The following SMARCA4 variants were observed in gnomAD, a reference collection of about 807,000 sequenced individuals.
The protein encoded by SMARCA4 is SWI/SNF related BAF chromatin remodeling complex subunit ATPase 4, also known as SWI/SNF-related matrix-associated actin-dependent regulator of chromatin subfamily A member 4.
A neutral mutation model predicts 193.9 loss-of-function variants in SMARCA4; 31 were observed. The observed-to-expected ratio is 0.16, with a 90% CI of 0.12 to 0.22. SMARCA4 has a LOEUF of 0.22. SMARCA4 is among the 10% of genes least tolerant of loss of function. The pLI is 1.00. For missense variants in SMARCA4, 1,148 were observed against 2,296.0 expected (o/e 0.50, Z 10.22); for synonymous variants, 942 against 933.1 (o/e 1.01, Z -0.17).
At chr19:11,039,456 A>C (rs1388081219) in intron 29 of SMARCA4, 7 of 1,590,892 alleles carry the variant, frequency 4.4e-6, no homozygotes, top group Non-Finnish European at 6.0e-6. Context: ...ATTTTGTTGT[A>C]GAAAATTACA....
chr19:11,053,848 C>A (rs2076395185), intron 30 of SMARCA4, among the ~76,000 whole-genome samples: 1 of 151,790 alleles, frequency 6.6e-6, no homozygotes, highest in Non-Finnish European at 1.5e-5. Flanking sequence ...GAGTTGGAGG[C>A]TTCAGTGAGC....
chr19:11,006,700 G>A (rs546411595), intron 13 of SMARCA4, among the ~76,000 whole-genome samples: 2 of 152,146 alleles, frequency 1.3e-5, no homozygotes, highest in Non-Finnish European at 2.9e-5. Flanking sequence ...GAGAATAGAC[G>A]TGTAATGTTC....
At chr19:11,055,288 C>T (rs1303024909) in intron 30 of SMARCA4, among the ~76,000 whole-genome samples, 2 of 152,188 alleles carry the variant, frequency 1.3e-5, no homozygotes, top group African/African-American at 4.8e-5. Context: ...CACCCAGGTT[C>T]AGGTGATTCT....
intron 16 of SMARCA4, among the ~76,000 whole-genome samples, chr19:11,015,627 C>G (rs757048451): frequency 1.3e-5 from 2 of 152,290 alleles, no homozygotes; most frequent in South Asian, 2.1e-4. Context: ...TATCTCATTT[C>G]TCTTCCTACT....
In SMARCA4 at chr19:10,986,771, T is replaced by C. The variant is rs2086083000; in HGVS notation, c.761-134T>C. The C allele has an allele frequency of 8.3e-7, 1 of 1,200,666 alleles. No individual in the cohort carries two copies. Among genetic ancestry groups the C allele is most frequent in the Non-Finnish European group, 1.2e-6 (1 of 835,426 alleles). 74.4% of individuals were successfully genotyped at this position (1,200,666 alleles called of 1,614,324 possible). On this transcript the variant is annotated intron_variant, in intron 4 of 34. Transcript: ENST00000344626. This position sits in a 1 kb window ranked among gnomAD's most constrained non-coding sequence, Gnocchi z 6.7. ...GGCAGCTAAATGCTGCTTCCCCAGC[T>C]CCCCGCTTCCCCTGGGGCCGCTGGT...
In SMARCA4 at chr19:10,986,328, G is replaced by A. The variant is rs768856451; in HGVS notation, c.495G>A (p.Gln165=). Residue 165 remains glutamine, a synonymous_variant, in exon 4 of 35, where the codon CAG becomes CAA. Transcript: ENST00000344626. This position sits in a 1 kb window ranked among gnomAD's most constrained non-coding sequence, Gnocchi z 6.7. ...CTGACCCCCAGGCCTTGGGGCAGCA[G>A]AACCGGGGCCCAACCCCATTTAACC... ...DGADPQALGQ[Q]NRGPTPFNQN... 9 of 1,613,364 alleles carry A rather than the reference G, an allele frequency of 5.6e-6. No individual in the cohort carries two copies. In the South Asian group the frequency reaches 9.9e-5, roughly 18 times the overall value.
Position 11,024,403 on chromosome 19 carries a change from G to A in SMARCA4, c.3046G>A (p.Val1016Met), listed in dbSNP as rs770969438. The A allele has an allele frequency of 6.2e-7, 1 of 1,612,828 alleles. No individual in the cohort carries two copies. Among genetic ancestry groups the A allele is most frequent in the Non-Finnish European group, 8.5e-7 (1 of 1,179,556 alleles). ...VLYRHMQAKG[V>M]LLTDGSEKDK... The stretch of plus-strand genomic sequence containing the variant: ...CTACCGCCACATGCAGGCCAAGGGC[G>A]TGCTGCTGACTGATGGCTCCGAGAA... The change falls in exon 21 of 35, where the codon GTG (valine) becomes ATG (methionine). Residue 1016 changes from valine to methionine, a missense_variant. Coordinates refer to ENST00000344626, the MANE Select transcript of SMARCA4 (RefSeq NM_003072.5).
In SMARCA4 at chr19:11,034,823, A is replaced by G; in HGVS notation, c.3952-91A>G. ...GCAGCGTGGAGCCCCACGGGCAGAG[A>G]AAGGCCCTTCTGAACTCTCGGTGTT... is the stretch of plus-strand genomic sequence containing the variant. On this transcript the variant is annotated intron_variant, in intron 28 of 34. Transcript: ENST00000344626. The surrounding 1 kb of genome is among the most constrained non-coding windows in gnomAD (Gnocchi z 7.0). 5.9e-6 allele frequency: 5 copies of G among 849,910 alleles called. No homozygotes were observed. Among genetic ancestry groups the G allele is most frequent in the Non-Finnish European group, 7.7e-6 (4 of 521,056 alleles). 52.6% of individuals were successfully genotyped at this position (849,910 alleles called of 1,614,324 possible).
At chr19:10,962,937 C>T (rs1273524523) in intron 1 of SMARCA4, among the ~76,000 whole-genome samples, 2 of 152,090 alleles carry the variant, frequency 1.3e-5, no homozygotes, top group African/African-American at 2.4e-5. Flanking sequence ...TAGCTGTCAC[C>T]CCCAGCACCG....
rs931555647 is a variant in SMARCA4 at position 11,033,099 on chromosome 19, C to A, written c.3547-191C>A. On this transcript the variant is annotated intron_variant, in intron 25 of 34. Transcript: ENST00000344626. The surrounding 1 kb of genome is among the most constrained non-coding windows in gnomAD (Gnocchi z 9.8). ...TCTGGAGGAACGTGATGAGAGTCCC[C>A]TTCCCCCGAGGGACACATGGCGGCC... 4.5e-6 allele frequency: 3 copies of A among 662,580 alleles called. No individual in the cohort carries two copies. The Admixed American group carries it at 6.3e-5, about 14-fold the overall frequency. 41.0% of individuals were successfully genotyped at this position (662,580 alleles called of 1,614,324 possible). A position where few individuals can be genotyped will look rare whatever the true frequency, so the allele number is the denominator to read the frequency against.
At chr19:10,995,222 G>T (rs989640429) in intron 9 of SMARCA4, 1 of 670,096 alleles carries the variant, frequency 1.5e-6, no homozygotes, top group Non-Finnish European at 2.7e-6. Flanking sequence ...AGGCCACTTA[G>T]CCGGCTCCTC....
intron 1 of SMARCA4, among the ~76,000 whole-genome samples, chr19:10,982,967 G>A (rs1001110196): frequency 1.3e-5 from 2 of 152,078 alleles, no homozygotes; most frequent in Non-Finnish European, 2.9e-5. Context: ...ACCAGAGAGG[G>A]GCTATCAAAA....
chr19:10,976,611 G>T (rs954532944), intron 1 of SMARCA4, among the ~76,000 whole-genome samples: 1 of 150,334 alleles, frequency 6.7e-6, no homozygotes, highest in Non-Finnish European at 1.5e-5. Context: ...ACAAAAATTA[G>T]CTGGGCATAG....
Position 10,987,542 on chromosome 19 carries a change from A to T in SMARCA4, c.860-124A>T. 1 of 1,098,892 alleles carries T rather than the reference A, an allele frequency of 9.1e-7. No homozygotes were observed. Among genetic ancestry groups the T allele is most frequent in the Non-Finnish European group, 1.4e-6 (1 of 731,054 alleles). 68.1% of individuals were successfully genotyped at this position (1,098,892 alleles called of 1,614,324 possible). A position where few individuals can be genotyped will look rare whatever the true frequency, so the allele number is the denominator to read the frequency against. The stretch of plus-strand genomic sequence containing the variant: ...AGGTGTGAAGGACACCCCTGGGTGA[A>T]AGGTGGGAGATGGGCGGGGTCTGCC... On this transcript the variant is annotated intron_variant, in intron 5 of 34. Transcript: ENST00000344626. The surrounding 1 kb of genome is among the most constrained non-coding windows in gnomAD (Gnocchi z 5.3).
intron 11 of SMARCA4, among the ~76,000 whole-genome samples, chr19:10,999,061 C>A (rs563804636): frequency 6.6e-6 from 1 of 152,174 alleles, no homozygotes; most frequent in South Asian, 2.1e-4. Context: ...CGCCACCATG[C>A]TTGGTTAAGT....
At chr19:11,024,141 C>T (rs1600298513) in intron 20 of SMARCA4, among the ~76,000 whole-genome samples, 190 bp from the exon 21 acceptor site, 1 of 152,212 alleles carries the variant, frequency 6.6e-6, no homozygotes, top group Admixed American at 6.5e-5. Flanking sequence ...GGTATCTCTG[C>T]CTGGTGCTTC....
intron 1 of SMARCA4, among the ~76,000 whole-genome samples, chr19:10,968,379 A>G (rs12979487): frequency 0.011 from 1,748 of 152,198 alleles, 22 homozygotes; most frequent in Non-Finnish European, 0.017. Context: ...TCATTTATGT[A>G]TGTGGACACT....
rs1243103629 is a variant in SMARCA4, at chr19:10,984,773, G to C, written c.222+400G>C. Among the ~76,000 whole-genome samples the C allele has an allele frequency of 6.6e-6, 1 of 152,234 alleles. No individual in the cohort carries two copies. Among genetic ancestry groups the C allele is most frequent in the Non-Finnish European group, 1.5e-5 (1 of 68,048 alleles). On this transcript the variant is annotated intron_variant, in intron 2 of 34. Transcript: ENST00000344626. The surrounding 1 kb of genome is among the most constrained non-coding windows in gnomAD (Gnocchi z 4.3). ...GTGCAGCTCGCAGAGCCGAGCAGCGGGTTCCCTTTCCTCCAAGGCGTGCCC... is the reference window on the plus strand; with the variant it reads ...GTGCAGCTCGCAGAGCCGAGCAGCGCGTTCCCTTTCCTCCAAGGCGTGCCC...
chr19:11,008,257 T>C, intron 14 of SMARCA4: 1 of 467,334 alleles, frequency 2.1e-6, no homozygotes, highest in South Asian at 1.8e-5. Flanking sequence ...CAGTCAGGTG[T>C]GCGGGAGAAG....
Sources: gnomAD v4.1 joint callset for allele counts (sites outside exome capture counted in the v4.1 genomes callset) on GRCh38, gnomAD v4.1.1 for gene constraint, Gnocchi (gnomAD v3.1) non-coding constraint, MANE v1.5 for transcripts, NCBI Gene and HGNC (gene_info 2026-07-23, HGNC 2026-07-21) for gene names.